The following PDE7A variants were observed in gnomAD, a reference collection of about 807,000 sequenced individuals.
PDE7A encodes the protein phosphodiesterase 7A, also known as high affinity 3',5'-cyclic-AMP phosphodiesterase 7A.
PDE7A carries 39 observed loss-of-function variants against 64.3 expected under a neutral mutation model. That is an observed-to-expected ratio of 0.61 (90% CI 0.47 to 0.79). The LOEUF is 0.79. PDE7A is among the 30% of genes least tolerant of loss of function. The pLI is 0.00. For synonymous variants in PDE7A, 203 were observed against 206.8 expected (o/e 0.98, Z 0.16); for missense variants, 470 against 582.8 (o/e 0.81, Z 1.99).
rs1040734108 is a variant in PDE7A, at chr8:65,739,363, A to C, written c.595+139T>G. 4 of 952,514 alleles carry C rather than the reference A, an allele frequency of 4.2e-6. No homozygotes were observed. In the African/African-American group the frequency reaches 6.9e-5, roughly 17 times the overall value. The allele number at this position is 952,514 out of a possible 1,614,324, so 59.0% of individuals were successfully genotyped here. On this transcript the variant is annotated intron_variant, in intron 6 of 12. Coordinates refer to ENST00000401827, the MANE Select transcript of PDE7A (RefSeq NM_001242318.3). The stretch of plus-strand genomic sequence containing the variant: ...AGCCCCACAGATGCAAGAGCTAAAT[A>C]ACTGTGTGTTGTTTTAAGCCACTAA...
chr8:65,740,634 TTGTGA>T (rs1231953269), intron 5 of PDE7A, among the ~76,000 whole-genome samples: 1 of 152,120 alleles, frequency 6.6e-6, no homozygotes, highest in Non-Finnish European at 1.5e-5. Context: ...ACTCCTGACC[TTGTGA>T]TCCGCCCGCC....
At chr8:65,817,810 C>T (rs971919541) in intron 1 of PDE7A, among the ~76,000 whole-genome samples, 3 of 148,760 alleles carry the variant, frequency 2.0e-5, no homozygotes, top group African/African-American at 5.0e-5. Context: ...TGGAGTGCAG[C>T]GGCGCTATCT....
At chr8:65,751,522 G>A (rs902689056) in intron 3 of PDE7A, among the ~76,000 whole-genome samples, 1 of 149,970 alleles carries the variant, frequency 6.7e-6, no homozygotes, top group African/African-American at 2.5e-5. Flanking sequence ...GCCCATTCTT[G>A]TTGTTCATTC....
chr8:65,798,187 T>TAC (rs1290677202), intron 1 of PDE7A, among the ~76,000 whole-genome samples: 16 of 20,928 alleles, frequency 7.6e-4, no homozygotes, highest in African/African-American at 3.7e-3. Context: ...TGCATATATA[T>TAC]ATATATATAT....
chr8:65,784,990 T>C (rs1411791773), intron 1 of PDE7A, among the ~76,000 whole-genome samples: 1 of 151,876 alleles, frequency 6.6e-6, no homozygotes, highest in African/African-American at 2.4e-5. Flanking sequence ...AAAAAAAAAA[T>C]CACATTTTTT....
chr8:65,769,788 C>T (rs1808988378), intron 3 of PDE7A, among the ~76,000 whole-genome samples: 1 of 152,056 alleles, frequency 6.6e-6, no homozygotes, highest in Non-Finnish European at 1.5e-5. Flanking sequence ...CCTTGCTACT[C>T]AGGAGGTTGA....
At chr8:65,774,012 C>G (rs534968495) in intron 3 of PDE7A, among the ~76,000 whole-genome samples, 1 of 152,128 alleles carries the variant, frequency 6.6e-6, no homozygotes, top group African/African-American at 2.4e-5. Flanking sequence ...TATTGCAATA[C>G]CAAAACATAC....
At chr8:65,813,987 T>C (rs564697973) in intron 1 of PDE7A, among the ~76,000 whole-genome samples, 1 of 152,162 alleles carries the variant, frequency 6.6e-6, no homozygotes, top group East Asian at 2.0e-4. Flanking sequence ...TATTCTCTTT[T>C]ATTAAAATTG....
At chr8:65,812,431 C>T (rs1056055962) in intron 1 of PDE7A, among the ~76,000 whole-genome samples, 3 of 151,914 alleles carry the variant, frequency 2.0e-5, no homozygotes, top group Non-Finnish European at 4.4e-5. Flanking sequence ...ACATGAAAAA[C>T]AAACTGTGGA....
intron 1 of PDE7A, among the ~76,000 whole-genome samples, chr8:65,832,021 T>C (rs1810838798): frequency 6.6e-6 from 1 of 152,212 alleles, no homozygotes. Context: ...CACGCATGCA[T>C]GGTATATAGA....
intron 3 of PDE7A, among the ~76,000 whole-genome samples, chr8:65,752,530 T>C (rs1808014921): frequency 6.6e-6 from 1 of 152,240 alleles, no homozygotes; most frequent in Non-Finnish European, 1.5e-5. Context: ...AAACCTGTTA[T>C]TTTTGCCCTT....
chr8:65,778,489 A>C (rs1201769364), intron 3 of PDE7A, among the ~76,000 whole-genome samples: 1 of 152,148 alleles, frequency 6.6e-6, no homozygotes, highest in Non-Finnish European at 1.5e-5. Flanking sequence ...CATTCCAATC[A>C]AAGACCAAGA....
rs1211323246 is a variant in PDE7A at position 65,716,162 on chromosome 8, A to AAC, written c.*3126_*3127dup. Among the ~76,000 whole-genome samples the AAC allele has an allele frequency of 6.6e-6, 1 of 151,422 alleles. No individual in the cohort carries two copies. The highest frequency in any genetic ancestry group is 6.6e-5 in the Admixed American group (1 of 15,174). On this transcript the variant is annotated 3_prime_UTR_variant, in exon 13 of 13. Coordinates refer to ENST00000401827, the MANE Select transcript of PDE7A (RefSeq NM_001242318.3). ...AGACCCTGTCTCAAAAAAAAAAAAAAACAAAAGGGCTATAGAAGGTGATTC... is the reference window on the plus strand; with the variant it reads ...AGACCCTGTCTCAAAAAAAAAAAAAAACACAAAAGGGCTATAGAAGGTGATTC...
intron 3 of PDE7A, among the ~76,000 whole-genome samples, chr8:65,773,317 A>G (rs1302920021): frequency 6.6e-6 from 1 of 152,250 alleles, no homozygotes; most frequent in East Asian, 1.9e-4. Flanking sequence ...GGTGGCTTAA[A>G]GAGACATATT....
At chr8:65,777,132 G>C (rs1055078868) in intron 3 of PDE7A, among the ~76,000 whole-genome samples, 10 of 144,474 alleles carry the variant, frequency 6.9e-5, no homozygotes, top group Non-Finnish European at 1.3e-4. Context: ...GCCCAGACTG[G>C]AGTGCAATGC....
chr8:65,736,056 T>C (rs143701438), intron 6 of PDE7A, among the ~76,000 whole-genome samples: 1 of 152,300 alleles, frequency 6.6e-6, no homozygotes, highest in Non-Finnish European at 1.5e-5. Flanking sequence ...GTTTTTCCTA[T>C]ACAAACACAC....
chr8:65,755,431 C>A (rs1212927928), intron 3 of PDE7A, among the ~76,000 whole-genome samples: 3 of 152,116 alleles, frequency 2.0e-5, no homozygotes, highest in African/African-American at 7.2e-5. Flanking sequence ...TTAGTGGTTA[C>A]TTTGGGGTTT....
At chr8:65,764,391 G>A (rs1484793978) in intron 3 of PDE7A, among the ~76,000 whole-genome samples, 4 of 152,202 alleles carry the variant, frequency 2.6e-5, no homozygotes, top group African/African-American at 7.2e-5. Context: ...CTGAATGAGA[G>A]ACTAAATTAC....
At chr8:65,791,181 G>A (rs764633801) in intron 1 of PDE7A, among the ~76,000 whole-genome samples, 10 of 152,222 alleles carry the variant, frequency 6.6e-5, no homozygotes, top group Non-Finnish European at 1.5e-4. Context: ...AAGAAAGGCA[G>A]TTCTAAAAGT....
Sources: gnomAD v4.1 joint callset for allele counts (sites outside exome capture counted in the v4.1 genomes callset) on GRCh38, gnomAD v4.1.1 for gene constraint, MANE v1.5 for transcripts, NCBI Gene and HGNC (gene_info 2026-07-23, HGNC 2026-07-21) for gene names.